Variants in RESF1 observed in about 807,000 individuals in gnomAD.
RESF1 encodes the protein gonad expressed transcript.
A neutral mutation model predicts 134.7 loss-of-function variants in RESF1; 65 were observed. The ratio of observed to expected loss-of-function variants is 0.48; its 90% CI spans 0.40 to 0.59. The LOEUF is 0.59. Ranked by LOEUF, RESF1 falls within the 20% of genes least tolerant of loss-of-function variation. The probability of loss-of-function intolerance (pLI) is 0.00; values close to 1 mark genes in which losing one functional copy is unlikely to be tolerated. For synonymous variants in RESF1, 762 were observed against 702.2 expected (o/e 1.09, Z -1.35); for missense variants, 2,274 against 2,002.7 (o/e 1.14, Z -2.59).
chr12:31,991,439 T>C (rs1940090960), intron 5 of RESF1, among the ~76,000 whole-genome samples: 1 of 152,228 alleles, frequency 6.6e-6, no homozygotes, highest in South Asian at 2.1e-4. Context: ...CCCATTCAGG[T>C]AGAAAAAGAC....
In RESF1 at chr12:31,992,454, T is replaced by G. The variant is rs1940114427; in HGVS notation, c.5163T>G (p.Asp1721Glu). Reference protein sequence around the residue: ...GFEMLQNPVKDSKEMFQTYKQ... With the variant: ...GFEMLQNPVKESKEMFQTYKQ... ...AGATGCTACAAAACCCAGTAAAAGA[T>G]TCAAAAGAAATGTTTCAAACCTACA... The change falls in exon 6 of 6, where the codon GAT (aspartate) becomes GAG (glutamate). Residue 1721 changes from aspartate to glutamate, a missense_variant. Transcript: ENST00000312561. 6.2e-7 allele frequency: 1 copy of G among 1,613,906 alleles called. No homozygotes were observed. The highest frequency in any genetic ancestry group is 1.1e-5 in the South Asian group (1 of 91,082).
In RESF1 at chr12:31,982,413, TTCTGACATTCAGGAAG is replaced by T; in HGVS notation, c.1461_1476del (p.Asp488IlefsTer30). ...CAAATAAGACTCAATGTATGTTGAATTCTGACATTCAGGAAGTCAATTGCAGAAGGTTTAACCAAGT... is the reference window on the plus strand; with the variant it reads ...CAAATAAGACTCAATGTATGTTGAATTCAATTGCAGAAGGTTTAACCAAGT... On this transcript the variant is annotated frameshift_variant, in exon 4 of 6. Coordinates refer to ENST00000312561, the MANE Select transcript of RESF1 (RefSeq NM_018169.4). LOFTEE classifies it high-confidence loss of function. 1.2e-6 allele frequency: 2 copies of T among 1,614,102 alleles called. No individual in the cohort carries two copies. The highest frequency in any genetic ancestry group is 1.7e-6 in the Non-Finnish European group (2 of 1,180,024).
Position 31,979,537 on chromosome 12 carries a change from C to T in RESF1, c.-78-1341C>T, listed in dbSNP as rs1221109563. Among the ~76,000 whole-genome samples, 4 of 151,900 alleles carry T rather than the reference C, an allele frequency of 2.6e-5. No homozygotes were observed. In the East Asian group the frequency reaches 7.8e-4, roughly 29 times the overall value. ...GCTCGGCTCATCACATCTCAATGTTCAAGAGTTTTGTTTTTTAAAAAAAAC... is the reference window on the plus strand; with the variant it reads ...GCTCGGCTCATCACATCTCAATGTTTAAGAGTTTTGTTTTTTAAAAAAAAC... On this transcript the variant is annotated intron_variant, in intron 3 of 5. Coordinates refer to ENST00000312561, the MANE Select transcript of RESF1 (RefSeq NM_018169.4).
chr12:31,984,196 A>G lies in RESF1; in HGVS notation c.3241A>G (p.Thr1081Ala), dbSNP rs557584448. Reference sequence around the variant, plus strand: ...TGAAGGTTCTGTGGGCCAGCAAACTACATACCAGACCTCAGAAGATCAAAC... The same window carrying G: ...TGAAGGTTCTGTGGGCCAGCAAACTGCATACCAGACCTCAGAAGATCAAAC... Reference protein sequence around the residue: ...TREGSVGQQTTYQTSEDQTAD... With the variant: ...TREGSVGQQTAYQTSEDQTAD... The change falls in exon 4 of 6, where the codon ACA becomes GCA. Residue 1081 changes from threonine to alanine, a missense_variant. Thr to Ala is a moderately conservative substitution (Grantham distance 58). Coordinates refer to ENST00000312561, the MANE Select transcript of RESF1 (RefSeq NM_018169.4). The G allele has an allele frequency of 3.9e-5, 63 of 1,613,852 alleles. No homozygotes were observed. The South Asian group carries it at 5.6e-4, about 14-fold the overall frequency.
chr12:31,967,560 T>C (rs1053430949), intron 2 of RESF1, among the ~76,000 whole-genome samples: 5 of 152,098 alleles, frequency 3.3e-5, no homozygotes, highest in Non-Finnish European at 5.9e-5. Flanking sequence ...CAGTACACCA[T>C]TGATTGGTTT....
In RESF1 at chr12:31,981,390, CGT is replaced by C; in HGVS notation, c.436_437del (p.Val146ThrfsTer26). 1 of 1,614,068 alleles carries C rather than the reference CGT, an allele frequency of 6.2e-7. No homozygotes were observed. Among genetic ancestry groups the C allele is most frequent in the Non-Finnish European group, 8.5e-7 (1 of 1,179,998 alleles). On this transcript the variant is annotated frameshift_variant, in exon 4 of 6. Transcript: ENST00000312561. LOFTEE classifies it high-confidence loss of function. Reference protein sequence around the residue: ...VSHQTDFGANVPNMPALQSQL... With the variant: ...VSHQTDFGANXPNMPALQSQL... ...CTCATCAAACTGATTTTGGAGCTAA[CGT>C]ACCCAATATGCCGGCACTACAGAGT...
At position 31,981,773 on chromosome 12, in the gene RESF1, CTGA is replaced by C; in HGVS notation, c.819_821del (p.Asp274del). 1 of 1,613,870 alleles carries C rather than the reference CTGA, an allele frequency of 6.2e-7. No individual in the cohort carries two copies. Among genetic ancestry groups the C allele is most frequent in the Non-Finnish European group, 8.5e-7 (1 of 1,180,008 alleles). ...CCATCACAGCAGTATGCCACGCAAA[CTGA>C]CAAAAGACCTCCTCCTCCTCCTTAC... On this transcript the variant is annotated inframe_deletion, in exon 4 of 6. Coordinates refer to ENST00000312561, the MANE Select transcript of RESF1 (RefSeq NM_018169.4).
intron 3 of RESF1, among the ~76,000 whole-genome samples, chr12:31,974,926 C>CT (rs35531944): frequency 0.28 from 38,398 of 139,086 alleles, 5,327 homozygotes; most frequent in African/African-American, 0.36. Flanking sequence ...TGGTGGCTGC[C>CT]TTTTTTTTTT....
At chr12:31,974,604 T>G (rs1381374691) in intron 3 of RESF1, among the ~76,000 whole-genome samples, 1 of 152,110 alleles carries the variant, frequency 6.6e-6, no homozygotes, top group African/African-American at 2.4e-5. Context: ...CCCACTCTAA[T>G]GACCTCACTT....
chr12:31,973,028 T>C (rs1450221402), intron 3 of RESF1, among the ~76,000 whole-genome samples: 1 of 152,202 alleles, frequency 6.6e-6, no homozygotes, highest in Non-Finnish European at 1.5e-5. Context: ...TCACTGTATT[T>C]TTTGTAACTT....
rs1266224129 is a variant in RESF1, at chr12:31,983,091, C to T, written c.2136C>T (p.His712=). ...AVGISKPANI[H]VKSPCSVVGN... ...GAATTTCAAAGCCTGCTAACATCCA[C>T]GTTAAGAGTCCTTGTTCAGTTGTGG... The change falls in exon 4 of 6, where the codon CAC becomes CAT. Residue 712 remains histidine (H), a synonymous_variant. Transcript: ENST00000312561. 5.0e-6 allele frequency: 8 copies of T among 1,613,034 alleles called. No individual in the cohort carries two copies. Among genetic ancestry groups the T allele is most frequent in the Middle Eastern group, 1.6e-4 (1 of 6,076 alleles).
In RESF1 at chr12:31,981,103, T is replaced by C. The variant is rs569671256; in HGVS notation, c.148T>C (p.Cys50Arg). Reference sequence around the variant, plus strand: ...CTATCCTGGAAGTAACCAAGAAGCATGCATGTATCCCGGTAATTCAAATCC... The same window carrying C: ...CTATCCTGGAAGTAACCAAGAAGCACGCATGTATCCCGGTAATTCAAATCC... ...FSYPGSNQEACMYPGNSNPIS... is the reference protein window; with the variant it reads ...FSYPGSNQEARMYPGNSNPIS... Residue 50 changes from cysteine (C) to arginine (R), a missense_variant, in exon 4 of 6, where the codon TGC (cysteine) becomes CGC (arginine). By Grantham distance (180) the Cys-to-Arg change is radical. Transcript: ENST00000312561. 1.9e-6 allele frequency: 3 copies of C among 1,614,190 alleles called. No homozygotes were observed. The East Asian group carries it at 6.7e-5, about 36-fold the overall frequency.
At chr12:31,979,562 C>T (rs749864488) in intron 3 of RESF1, among the ~76,000 whole-genome samples, 4 of 151,538 alleles carry the variant, frequency 2.6e-5, no homozygotes, top group Non-Finnish European at 4.4e-5. Context: ...TTAAAAAAAA[C>T]AGCCTTACTC....
At position 31,984,019 on chromosome 12, in the gene RESF1, C is replaced by G. The variant is rs1317373763; in HGVS notation, c.3064C>G (p.Pro1022Ala). ...SSAAIQEDIY[P>A]QEIDASSNYT... ...AGCTGCTATTCAGGAGGATATTTAC[C>G]CTCAGGAAATAGATGCATCCAGCAA... The change falls in exon 4 of 6, where the codon CCT becomes GCT. Residue 1022 changes from proline to alanine, a missense_variant. Physicochemically the swap from Pro to Ala is conservative, Grantham distance 27 (BLOSUM62 -1). Transcript: ENST00000312561. 6.2e-7 allele frequency: 1 copy of G among 1,613,920 alleles called. No homozygotes were observed. Among genetic ancestry groups the G allele is most frequent in the Non-Finnish European group, 8.5e-7 (1 of 1,179,954 alleles).
chr12:31,964,867 G>T (rs1939362958), intron 2 of RESF1, among the ~76,000 whole-genome samples: 2 of 152,194 alleles, frequency 1.3e-5, no homozygotes, highest in South Asian at 4.1e-4. Flanking sequence ...GACCATAAAT[G>T]TGAGGGTTTA....
intron 3 of RESF1, among the ~76,000 whole-genome samples, chr12:31,971,511 G>A (rs751252023): frequency 1.3e-5 from 2 of 152,102 alleles, no homozygotes; most frequent in Non-Finnish European, 2.9e-5. Flanking sequence ...CTGTGTTTTT[G>A]GATCTAAGGT....
At chr12:31,969,959 A>T (rs1435622272) in intron 2 of RESF1, among the ~76,000 whole-genome samples, 1 of 152,178 alleles carries the variant, frequency 6.6e-6, no homozygotes, top group Non-Finnish European at 1.5e-5. Flanking sequence ...TTTAACATGG[A>T]TAGTAATATG....
At chr12:31,991,866 G>A (rs908794374) in intron 5 of RESF1, among the ~76,000 whole-genome samples, 1 of 152,170 alleles carries the variant, frequency 6.6e-6, no homozygotes, top group Non-Finnish European at 1.5e-5. Flanking sequence ...TTTTCAATAG[G>A]TGATGGGTCA....
chr12:31,990,890 A>G (rs1344232054), intron 5 of RESF1, among the ~76,000 whole-genome samples: 1 of 152,180 alleles, frequency 6.6e-6, no homozygotes. Flanking sequence ...TGAACTCCCA[A>G]TCTGCTATAA....
Sources: allele counts gnomAD v4.1 joint callset (sites outside exome capture counted in the v4.1 genomes callset), GRCh38; gene constraint gnomAD v4.1.1; transcripts MANE v1.5; gene names NCBI Gene and HGNC (gene_info 2026-07-23, HGNC 2026-07-21).